CAMSAP1: variants seen among roughly 807,000 people sequenced by gnomAD.
CAMSAP1 encodes calmodulin regulated spectrin associated protein 1, also known as calmodulin-regulated spectrin-associated protein 1.
CAMSAP1 carries 58 observed loss-of-function variants against 143.5 expected under a neutral mutation model. The observed-to-expected ratio is 0.40, with a 90% CI of 0.33 to 0.50. CAMSAP1 has a LOEUF of 0.50. Among genes scored for constraint, CAMSAP1 ranks in the 20% least tolerant of loss-of-function variants. The probability of loss-of-function intolerance (pLI) is 0.45; values close to 1 mark genes in which losing one functional copy is unlikely to be tolerated. For missense variants in CAMSAP1, 1,969 were observed against 2,115.7 expected (o/e 0.93, Z 1.36); for synonymous variants, 945 against 859.3 (o/e 1.10, Z -1.74).
chr9:135,839,073 C>T (rs1836242157), intron 7 of CAMSAP1, among the ~76,000 whole-genome samples: 1 of 152,236 alleles, frequency 6.6e-6, no homozygotes, highest in Admixed American at 6.5e-5. Context: ...ACTTTCTACC[C>T]GTTCTGCAGA....
At position 135,883,087 on chromosome 9, in the gene CAMSAP1, G is replaced by C; in HGVS notation, c.161-9C>G. 1 of 1,551,378 alleles carries C rather than the reference G, an allele frequency of 6.4e-7. No homozygotes were observed. The highest frequency in any genetic ancestry group is 8.7e-7 in the Non-Finnish European group (1 of 1,146,822). On this transcript the variant is annotated splice_polypyrimidine_tract_variant and intron_variant, in intron 1 of 16. Coordinates refer to ENST00000389532, the MANE Select transcript of CAMSAP1 (RefSeq NM_015447.4). ...GTCCTCAGGGATGTTATCTAAGACAGGGAGGGGATGACCAGGTGAGTGCCA... is the reference window on the plus strand; with the variant it reads ...GTCCTCAGGGATGTTATCTAAGACACGGAGGGGATGACCAGGTGAGTGCCA...
intron 1 of CAMSAP1, among the ~76,000 whole-genome samples, chr9:135,888,663 C>G (rs77364656): frequency 6.6e-6 from 1 of 152,294 alleles, no homozygotes; most frequent in East Asian, 1.9e-4. Flanking sequence ...CTGCAGAGGC[C>G]CCAAAGGTGA....
At chr9:135,876,117 A>T (rs1265914355) in intron 3 of CAMSAP1, among the ~76,000 whole-genome samples, 1 of 151,990 alleles carries the variant, frequency 6.6e-6, no homozygotes, top group African/African-American at 2.4e-5. Flanking sequence ...CATCACGCCT[A>T]ATTTTTGTAT....
At chr9:135,894,604 A>T (rs12005097) in intron 1 of CAMSAP1, among the ~76,000 whole-genome samples, 2 of 152,290 alleles carry the variant, frequency 1.3e-5, no homozygotes, top group Non-Finnish European at 2.9e-5. Context: ...TCAAGCGACC[A>T]AAACAGCACC....
In CAMSAP1 at chr9:135,907,074, A is replaced by AT; in HGVS notation, c.85_86insA (p.Leu29HisfsTer27). On this transcript the variant is annotated frameshift_variant, in exon 1 of 17. Coordinates refer to ENST00000389532, the MANE Select transcript of CAMSAP1 (RefSeq NM_015447.4). LOFTEE classifies it high-confidence loss of function. ...GGCGCGCGCCGCGTCGTAGCGGTCC[A>AT]GGGGCACGAGGTCGGCGGCGCCGTC... The AT allele has an allele frequency of 8.6e-7, 1 of 1,167,924 alleles. No homozygotes were observed. Among genetic ancestry groups the AT allele is most frequent in the Non-Finnish European group, 1.1e-6 (1 of 940,576 alleles). The allele number at this position is 1,167,924 out of a possible 1,614,324, so 72.3% of individuals were successfully genotyped here.
At chr9:135,850,730 C>A (rs1836745594) in intron 5 of CAMSAP1, among the ~76,000 whole-genome samples, 1 of 152,184 alleles carries the variant, frequency 6.6e-6, no homozygotes. Context: ...GAGTGGGCTT[C>A]CAAAACAAAC....
In CAMSAP1 at chr9:135,886,020, G is replaced by A. The variant is rs193186123; in HGVS notation, c.161-2942C>T. On this transcript the variant is annotated intron_variant, in intron 1 of 16. Coordinates refer to ENST00000389532, the MANE Select transcript of CAMSAP1 (RefSeq NM_015447.4). ...CTACTGCGAGAGCTGGATGTGCACA[G>A]TTCTAGAACGTTTAACGTTCTATCA... 3.3e-5 allele frequency among the ~76,000 whole-genome samples: 5 copies of A among 151,114 alleles called. No homozygotes were observed. The East Asian group carries it at 9.7e-4, about 29-fold the overall frequency.
At chr9:135,883,868 C>T (rs900269917) in intron 1 of CAMSAP1, among the ~76,000 whole-genome samples, 1 of 152,198 alleles carries the variant, frequency 6.6e-6, no homozygotes, top group Admixed American at 6.5e-5. Context: ...ACAATCTGAT[C>T]CAGAGAGCCT....
At chr9:135,887,582 G>A (rs1274406858) in intron 1 of CAMSAP1, among the ~76,000 whole-genome samples, 1 of 152,356 alleles carries the variant, frequency 6.6e-6, no homozygotes, top group East Asian at 1.9e-4. Flanking sequence ...GGGAGGCGGA[G>A]GGGAGGGATG....
intron 1 of CAMSAP1, among the ~76,000 whole-genome samples, chr9:135,887,831 G>GCAA (rs1838173291): frequency 6.6e-6 from 1 of 152,170 alleles, no homozygotes; most frequent in Non-Finnish European, 1.5e-5. Context: ...ACAAGAGTCG[G>GCAA]CAACGGCACT....
At chr9:135,843,190 G>C (rs1836424638) in intron 7 of CAMSAP1, among the ~76,000 whole-genome samples, 1 of 152,088 alleles carries the variant, frequency 6.6e-6, no homozygotes, top group East Asian at 1.9e-4. Context: ...AGCCAGGTGT[G>C]GTGGCACAGG....
intron 5 of CAMSAP1, among the ~76,000 whole-genome samples, chr9:135,861,022 G>C (rs553865879): frequency 6.6e-6 from 1 of 152,156 alleles, no homozygotes; most frequent in Non-Finnish European, 1.5e-5. Context: ...CTGATCCACC[G>C]TGTACCCAAG....
chr9:135,879,220 A>G (rs1837851473), intron 3 of CAMSAP1, among the ~76,000 whole-genome samples: 1 of 152,196 alleles, frequency 6.6e-6, no homozygotes, highest in Admixed American at 6.5e-5. Flanking sequence ...TCTTTAAAAT[A>G]CAGAGGTAGA....
At chr9:135,890,781 C>A (rs1337062329) in intron 1 of CAMSAP1, among the ~76,000 whole-genome samples, 1 of 152,222 alleles carries the variant, frequency 6.6e-6, no homozygotes, top group African/African-American at 2.4e-5. Context: ...TTTCCAAAAT[C>A]TTTCACATAC....
At chr9:135,817,749 G>T (rs920512167) in intron 14 of CAMSAP1, 1 of 513,160 alleles carries the variant, frequency 1.9e-6, no homozygotes, top group South Asian at 2.1e-5. Flanking sequence ...GTGGGGTGGG[G>T]GACAGGGGAG....
At chr9:135,832,772 ACAATC>A (rs780895847) in intron 7 of CAMSAP1, among the ~76,000 whole-genome samples, 20 of 152,214 alleles carry the variant, frequency 1.3e-4, no homozygotes, top group Admixed American at 1.3e-4. Context: ...AATCAAGAAA[ACAATC>A]CAATTTATAA....
chr9:135,884,317 G>A (rs1043192255), intron 1 of CAMSAP1, among the ~76,000 whole-genome samples: 1 of 152,084 alleles, frequency 6.6e-6, no homozygotes, highest in African/African-American at 2.4e-5. Context: ...CTCTTCCCCA[G>A]GGGAAGAACC....
At chr9:135,906,298 A>G (rs912072817) in intron 1 of CAMSAP1, among the ~76,000 whole-genome samples, 15 of 152,258 alleles carry the variant, frequency 9.9e-5, no homozygotes, top group African/African-American at 3.6e-4. Flanking sequence ...AGAAATATTA[A>G]CCTTTAATTG....
At chr9:135,864,417 G>A (rs1431246407) in intron 4 of CAMSAP1, among the ~76,000 whole-genome samples, 1 of 152,206 alleles carries the variant, frequency 6.6e-6, no homozygotes. Flanking sequence ...GCTGCTCAAA[G>A]GAGCCCTGTA....
Sources: allele counts gnomAD v4.1 joint callset (sites outside exome capture counted in the v4.1 genomes callset), GRCh38; gene constraint gnomAD v4.1.1; transcripts MANE v1.5; gene names NCBI Gene and HGNC (gene_info 2026-07-23, HGNC 2026-07-21).